GLMN: variants seen among roughly 807,000 people sequenced by gnomAD.
The protein encoded by GLMN is glomulin.
GLMN carries 75 observed loss-of-function variants against 87.8 expected under a neutral mutation model. That is an observed-to-expected ratio of 0.85 (90% CI 0.71 to 1.04). GLMN has a LOEUF of 1.04. GLMN is among the 50% of genes least tolerant of loss of function. GLMN has a pLI of 0.00. For missense variants in GLMN, 588 were observed against 658.8 expected, an observed-to-expected ratio of 0.89 and a Z score of 1.18; for synonymous variants, 206 against 221.6, an observed-to-expected ratio of 0.93 and a Z score of 0.63.
chr1:92,322,751 C>T, the GLMN span, among the ~76,000 whole-genome samples: 2 of 151,256 alleles, frequency 1.3e-5, no homozygotes, highest in Admixed American at 6.6e-5. Flanking sequence ...GTGGTGCCCA[C>T]GTGTAATCCC....
At chr1:92,255,942 A>C (rs1321199591) in intron 16 of GLMN, among the ~76,000 whole-genome samples, 1 of 152,160 alleles carries the variant, frequency 6.6e-6, no homozygotes, top group African/African-American at 2.4e-5. Context: ...AGACGCAAAA[A>C]ACCCTTCAAA....
chr1:92,273,162 C>T (rs1386966981), intron 7 of GLMN, among the ~76,000 whole-genome samples: 1 of 152,130 alleles, frequency 6.6e-6, no homozygotes, highest in Non-Finnish European at 1.5e-5. Flanking sequence ...CTTTTCCAGC[C>T]TTCAGGGACT....
chr1:92,263,647 G>A lies in GLMN; in HGVS notation c.1385C>T (p.Thr462Ile). Residue 462 changes from threonine to isoleucine, a missense_variant, in exon 15 of 19, where the codon ACA becomes ATA. Thr to Ile is a moderately conservative substitution (Grantham distance 89). Coordinates refer to ENST00000370360, the MANE Select transcript of GLMN (RefSeq NM_053274.3). ...LVLFLPEGAETDLLQNSDRIM... is the reference protein window; with the variant it reads ...LVLFLPEGAEIDLLQNSDRIM... ...CCTATCTGAGTTTTGCAGTAAATCT[G>A]TTTCTGCACCCTCTGGGAGAAAAAG... 6.4e-7 allele frequency: 1 copy of A among 1,550,824 alleles called. No homozygotes were observed. The highest frequency in any genetic ancestry group is 8.9e-7 in the Non-Finnish European group (1 of 1,122,254).
At chr1:92,266,182 T>G (rs1655610587) in intron 13 of GLMN, among the ~76,000 whole-genome samples, 1 of 152,194 alleles carries the variant, frequency 6.6e-6, no homozygotes, top group African/African-American at 2.4e-5. Flanking sequence ...GTATTCCAAT[T>G]GATTGAACTG....
At chr1:92,343,386 A>G in the GLMN span, among the ~76,000 whole-genome samples, 1 of 152,154 alleles carries the variant, frequency 6.6e-6, no homozygotes, top group African/African-American at 2.4e-5. Context: ...CCATCAAACA[A>G]CGTGTCCAAA....
At chr1:92,268,787 C>A (rs562295597) in intron 9 of GLMN, among the ~76,000 whole-genome samples, 4 of 152,170 alleles carry the variant, frequency 2.6e-5, no homozygotes, top group South Asian at 4.2e-4. Flanking sequence ...AATTGCAAAG[C>A]CCTAACTGAT....
At chr1:92,313,619 T>C in the GLMN span, among the ~76,000 whole-genome samples, 1 of 152,122 alleles carries the variant, frequency 6.6e-6, no homozygotes, top group Non-Finnish European at 1.5e-5. Flanking sequence ...AAATAAGCAT[T>C]GGCTTCAACT....
At chr1:92,355,175 AT>A in the GLMN span, among the ~76,000 whole-genome samples, 544 of 151,710 alleles carry the variant, frequency 3.6e-3, 8 homozygotes, top group African/African-American at 2.4e-3. Flanking sequence ...TTTATTTAAC[AT>A]TTTTTTTAAT....
chr1:92,358,015 C>T, the GLMN span, among the ~76,000 whole-genome samples: 139 of 152,308 alleles, frequency 9.1e-4, no homozygotes, highest in African/African-American at 3.1e-3. Context: ...TAACCTCAAA[C>T]TCCTGGGTTC....
chr1:92,317,874 T>A, the GLMN span, among the ~76,000 whole-genome samples: 1 of 152,228 alleles, frequency 6.6e-6, no homozygotes. Context: ...CAGTAATGTT[T>A]ATATATTTTG....
chr1:92,362,820 C>CA, the GLMN span, among the ~76,000 whole-genome samples: 1 of 152,116 alleles, frequency 6.6e-6, no homozygotes, highest in African/African-American at 2.4e-5. Flanking sequence ...TGCTGCACTG[C>CA]AAAAATGTTT....
rs1177905555 is a variant in GLMN at position 92,292,732 on chromosome 1, C to CTT, written c.166-1197_166-1196dup. Among the ~76,000 whole-genome samples the CTT allele has an allele frequency of 6.5e-3, 780 of 119,662 alleles. 8 individuals carry two copies. The highest frequency in any genetic ancestry group is 0.023 in the African/African-American group (731 of 31,432). The allele number at this position is 119,662 out of a possible 152,430, so 78.5% of individuals were successfully genotyped here. Reference sequence around the variant, plus strand: ...GCCACCGCACCCCGTCTTTTCTTTTCTTTTTTTTTTTTTTTTTAAGCATGG... The same window carrying CTT: ...GCCACCGCACCCCGTCTTTTCTTTTCTTTTTTTTTTTTTTTTTTTAAGCATGG... On this transcript the variant is annotated intron_variant, in intron 3 of 18. Coordinates refer to ENST00000370360, the MANE Select transcript of GLMN (RefSeq NM_053274.3).
intron 4 of GLMN, among the ~76,000 whole-genome samples, chr1:92,290,525 G>T (rs1384931864): frequency 6.6e-6 from 1 of 152,202 alleles, no homozygotes; most frequent in Non-Finnish European, 1.5e-5. Flanking sequence ...GAAGTCAATG[G>T]ATCTTTAGGC....
chr1:92,253,046 C>G (rs1653738544), intron 16 of GLMN, among the ~76,000 whole-genome samples: 1 of 152,114 alleles, frequency 6.6e-6, no homozygotes, highest in East Asian at 1.9e-4. Context: ...TGAACAAGAC[C>G]CAGGTTTCCC....
At chr1:92,289,185 A>G (rs1649120412) in intron 5 of GLMN, 34 bp from the exon 6 acceptor site, 4 of 1,203,898 alleles carry the variant, frequency 3.3e-6, no homozygotes, top group South Asian at 2.4e-5. Context: ...CTCATCAAGT[A>G]TGCTAAACAT....
At chr1:92,294,992 G>A (rs1649860508) in intron 3 of GLMN, among the ~76,000 whole-genome samples, 1 of 152,156 alleles carries the variant, frequency 6.6e-6, no homozygotes, top group African/African-American at 2.4e-5. Flanking sequence ...AGTCAGTTTT[G>A]AACATTGTCT....
chr1:92,354,094 T>G, the GLMN span, among the ~76,000 whole-genome samples: 3 of 152,176 alleles, frequency 2.0e-5, no homozygotes. Flanking sequence ...GTGGTGGTGA[T>G]GACAGCAGTT....
At chr1:92,341,780 G>A in the GLMN span, among the ~76,000 whole-genome samples, 1,186 of 152,206 alleles carry the variant, frequency 7.8e-3, 6 homozygotes, top group African/African-American at 0.027. Context: ...AAGTAGCTGG[G>A]ATTACAGGCA....
chr1:92,248,124 AATT>A (rs1652942210), intron 16 of GLMN, 135 bp from the exon 17 acceptor site: 1 of 628,300 alleles, frequency 1.6e-6, no homozygotes, highest in East Asian at 2.8e-5. Flanking sequence ...ACTATTTAAT[AATT>A]ATTACTATAG....
Sources: allele counts gnomAD v4.1 joint callset (sites outside exome capture counted in the v4.1 genomes callset), GRCh38; gene constraint gnomAD v4.1.1; transcripts MANE v1.5; gene names NCBI Gene and HGNC (gene_info 2026-07-23, HGNC 2026-07-21).